The following IL15 variants were observed in gnomAD, a reference collection of about 807,000 sequenced individuals.
IL15 encodes interleukin-15.
IL15 carries 11 observed loss-of-function variants against 19.6 expected under a neutral mutation model. The observed-to-expected ratio is 0.56, with a 90% CI of 0.35 to 0.93. The LOEUF (loss-of-function observed/expected upper bound fraction) is 0.93. Among genes scored for constraint, IL15 ranks in the 40% least tolerant of loss-of-function variants. The probability of loss-of-function intolerance (pLI) is 0.01; values close to 1 mark genes in which losing one functional copy is unlikely to be tolerated. For missense variants in IL15, 197 were observed against 186.5 expected, an observed-to-expected ratio of 1.06 and a Z score of -0.33; for synonymous variants, 58 against 59.6, an observed-to-expected ratio of 0.97 and a Z score of 0.12.
chr4:141,712,755 C>T (rs1414507223), intron 2 of IL15, among the ~76,000 whole-genome samples: 1 of 151,060 alleles, frequency 6.6e-6, no homozygotes, highest in Non-Finnish European at 1.5e-5. Flanking sequence ...CCAAATCTTA[C>T]TGCTACCTCT....
chr4:141,722,075 TTCTG>T (rs1730104328), intron 5 of IL15, 67 bp downstream of exon 5: 3 of 1,457,756 alleles, frequency 2.1e-6, no homozygotes, highest in East Asian at 2.4e-5. Context: ...CTCTGTGTTT[TTCTG>T]TCTGTCTTAA....
intron 2 of IL15, among the ~76,000 whole-genome samples, chr4:141,661,373 G>C (rs1578997755): frequency 6.6e-6 from 1 of 152,112 alleles, no homozygotes; most frequent in Admixed American, 6.6e-5. Context: ...TCCCATAAGA[G>C]GCAGATCTCA....
intron 2 of IL15, among the ~76,000 whole-genome samples, chr4:141,663,887 G>A (rs1467656415): frequency 1.3e-5 from 2 of 152,148 alleles, no homozygotes; most frequent in African/African-American, 4.8e-5. Flanking sequence ...GAGAGTAGGA[G>A]GTCAGAGAGA....
chr4:141,645,844 T>C (rs948785453), intron 1 of IL15, among the ~76,000 whole-genome samples: 2 of 152,032 alleles, frequency 1.3e-5, no homozygotes, highest in Admixed American at 1.3e-4. Flanking sequence ...GGCTCCTTGG[T>C]TCTCCTCCAC....
At chr4:141,648,167 A>G (rs142680047) in intron 1 of IL15, among the ~76,000 whole-genome samples, 313 of 152,186 alleles carry the variant, frequency 2.1e-3, no homozygotes, top group African/African-American at 6.9e-3. Context: ...TTGGGAAACT[A>G]TTCACAGCAT....
chr4:141,685,291 A>C (rs1168443561), intron 2 of IL15, among the ~76,000 whole-genome samples: 1 of 152,180 alleles, frequency 6.6e-6, no homozygotes, highest in Non-Finnish European at 1.5e-5. Context: ...GAGGGTGCAT[A>C]GTTTTTAGAT....
chr4:141,663,260 A>T (rs1329882595), intron 2 of IL15, among the ~76,000 whole-genome samples: 1 of 152,252 alleles, frequency 6.6e-6, no homozygotes, highest in Non-Finnish European at 1.5e-5. Context: ...TTTATAAACA[A>T]GGTGAACTGA....
chr4:141,709,674 C>G (rs1177621533), intron 2 of IL15, among the ~76,000 whole-genome samples: 2 of 151,824 alleles, frequency 1.3e-5, no homozygotes, highest in African/African-American at 2.4e-5. Context: ...ACTTATTTTT[C>G]ATATTCATTT....
intron 2 of IL15, among the ~76,000 whole-genome samples, chr4:141,686,114 G>A (rs1330337078): frequency 1.3e-5 from 2 of 151,854 alleles, no homozygotes; most frequent in African/African-American, 4.8e-5. Context: ...GGCCAACATG[G>A]CGAAACCCCG....
intron 2 of IL15, among the ~76,000 whole-genome samples, chr4:141,672,658 C>G (rs966869807): frequency 2.6e-5 from 4 of 152,036 alleles, no homozygotes; most frequent in Non-Finnish European, 5.9e-5. Context: ...TGCAAGAATC[C>G]TACTTTGAAA....
At chr4:141,729,692 G>GA (rs1365182302) in intron 6 of IL15, among the ~76,000 whole-genome samples, 155 bp from the exon 7 acceptor site, 1 of 151,598 alleles carries the variant, frequency 6.6e-6, no homozygotes, top group Non-Finnish European at 1.5e-5. Flanking sequence ...AAAGCCAAAA[G>GA]AAAAAAAATT....
intron 2 of IL15, among the ~76,000 whole-genome samples, chr4:141,711,655 T>TTGCC (rs1729722247): frequency 1.3e-5 from 2 of 152,242 alleles, no homozygotes; most frequent in South Asian, 4.1e-4. Flanking sequence ...CTTTAATGAA[T>TTGCC]TGCCATTAGT....
chr4:141,677,893 T>C (rs1444103048), intron 2 of IL15, among the ~76,000 whole-genome samples: 2 of 152,182 alleles, frequency 1.3e-5, no homozygotes, highest in Admixed American at 1.3e-4. Flanking sequence ...AGATATTCTG[T>C]GGGAGAAGGG....
At chr4:141,655,162 G>T (rs1212383249) in intron 1 of IL15, among the ~76,000 whole-genome samples, 1 of 152,128 alleles carries the variant, frequency 6.6e-6, no homozygotes, top group Admixed American at 6.5e-5. Flanking sequence ...AATTGTGGTT[G>T]TTATTGATGG....
intron 7 of IL15, 94 bp from the exon 8 acceptor site, chr4:141,732,644 C>G: frequency 6.7e-7 from 1 of 1,496,686 alleles, no homozygotes; most frequent in Non-Finnish European, 9.0e-7. Flanking sequence ...AAGACCTCAC[C>G]ATATGGTTCA....
chr4:141,652,919 T>C (rs1270203394), intron 1 of IL15, among the ~76,000 whole-genome samples: 2 of 152,124 alleles, frequency 1.3e-5, no homozygotes, highest in African/African-American at 4.8e-5. Context: ...ACTATATCAT[T>C]AGGTGTCATT....
chr4:141,638,889 T>C (rs1726950409), intron 1 of IL15, among the ~76,000 whole-genome samples: 2 of 152,178 alleles, frequency 1.3e-5, no homozygotes, highest in Admixed American at 1.3e-4. Context: ...CTTTTGAAAA[T>C]ATAGACTACT....
intron 2 of IL15, among the ~76,000 whole-genome samples, chr4:141,679,407 A>T (rs952076779): frequency 3.3e-5 from 5 of 152,226 alleles, no homozygotes; most frequent in Admixed American, 2.0e-4. Context: ...TATTATAGTA[A>T]AATTAATTTG....
intron 2 of IL15, among the ~76,000 whole-genome samples, chr4:141,700,174 C>T (rs931056110): frequency 2.6e-5 from 4 of 152,070 alleles, no homozygotes; most frequent in African/African-American, 9.7e-5. Context: ...CTGCCTCAGC[C>T]CCTCAAAGTG....
Sources: gnomAD v4.1 joint callset for allele counts (sites outside exome capture counted in the v4.1 genomes callset) on GRCh38, gnomAD v4.1.1 for gene constraint, MANE v1.5 for transcripts, NCBI Gene and HGNC (gene_info 2026-07-23, HGNC 2026-07-21) for gene names.